Variants in CDH13 observed in about 807,000 individuals in gnomAD.
CDH13 encodes the protein cadherin 13, also known as cadherin-13.
In CDH13, 24 loss-of-function variants were observed where a neutral mutation model predicts 63.8. The ratio of observed to expected loss-of-function variants is 0.38; its 90% confidence interval spans 0.27 to 0.53. The LOEUF (loss-of-function observed/expected upper bound fraction) is 0.53, where lower values mean the gene tolerates loss of function less well. CDH13 is among the 20% of genes least tolerant of loss of function. The probability of loss-of-function intolerance (pLI) is 0.85; values close to 1 mark genes in which losing one functional copy is unlikely to be tolerated. For missense variants in CDH13, 1,049 were observed against 903.1 expected (o/e 1.16, Z -2.07); for synonymous variants, 503 against 355.3 (o/e 1.42, Z -4.67).
In CDH13 at chr16:83,039,644, ATCC is replaced by A. The variant is rs1917165721; in HGVS notation, c.366+7429_366+7431del. Among the ~76,000 whole-genome samples, 3 of 151,994 alleles carry A rather than the reference ATCC, an allele frequency of 2.0e-5. No homozygotes were observed. The South Asian group carries it at 6.2e-4, about 32-fold the overall frequency. On this transcript the variant is annotated intron_variant, in intron 3 of 13. Coordinates refer to ENST00000567109, the MANE Select transcript of CDH13 (RefSeq NM_001257.5). Reference sequence around the variant, plus strand: ...TTCCTTCCTGTGTGTTCACCACTCTATCCTCAGCACCCTGCCCAGTGCCTGGCG... The same window carrying A: ...TTCCTTCCTGTGTGTTCACCACTCTATCAGCACCCTGCCCAGTGCCTGGCG...
Position 83,051,732 on chromosome 16 carries a change from C to G in CDH13, c.366+19514C>G, listed in dbSNP as rs557048263. ...ACAGCAGCCAGATCTGAACCTCCTGCTACCATCCCTGTAACTCTAGTTATG... is the reference window on the plus strand; with the variant it reads ...ACAGCAGCCAGATCTGAACCTCCTGGTACCATCCCTGTAACTCTAGTTATG... On this transcript the variant is annotated intron_variant, in intron 3 of 13. Transcript: ENST00000567109. Among the ~76,000 whole-genome samples the G allele has an allele frequency of 2.0e-5, 3 of 152,308 alleles. No individual in the cohort carries two copies. The South Asian group carries it at 6.2e-4, about 32-fold the overall frequency.
chr16:83,302,796 T>C (rs987325593), intron 5 of CDH13, among the ~76,000 whole-genome samples: 1 of 152,162 alleles, frequency 6.6e-6, no homozygotes, highest in African/African-American at 2.4e-5. Context: ...AGTGGGAATG[T>C]CAGAGCAGGT....
In CDH13 at chr16:83,283,362, G is replaced by C. The variant is rs569755007; in HGVS notation, c.637-61500G>C. ...TCCTAGCAATTTGGGTGGCCGAGGAGGGTGGATTGCTTGAGGCTGGGAATT... is the reference window on the plus strand; with the variant it reads ...TCCTAGCAATTTGGGTGGCCGAGGACGGTGGATTGCTTGAGGCTGGGAATT... On this transcript the variant is annotated intron_variant, in intron 5 of 13. Transcript: ENST00000567109. Among the ~76,000 whole-genome samples the C allele has an allele frequency of 1.8e-3, 270 of 152,294 alleles. 1 individual carries two copies. Among genetic ancestry groups the C allele is most frequent in the African/African-American group, 6.3e-3 (261 of 41,558 alleles).
chr16:83,197,897 AT>A (rs2038921035), intron 4 of CDH13, among the ~76,000 whole-genome samples: 1 of 152,154 alleles, frequency 6.6e-6, no homozygotes, highest in Non-Finnish European at 1.5e-5. Flanking sequence ...ATAAATGTCA[AT>A]ATTTTAATTG....
chr16:83,277,933 T>C (rs955543113), intron 5 of CDH13, among the ~76,000 whole-genome samples: 5 of 152,192 alleles, frequency 3.3e-5, no homozygotes, highest in African/African-American at 9.7e-5. Context: ...ATTTAAAAAG[T>C]AGATTTCCTA....
At chr16:83,229,986 G>A (rs1250123923) in intron 5 of CDH13, among the ~76,000 whole-genome samples, 4 of 152,138 alleles carry the variant, frequency 2.6e-5, no homozygotes, top group Non-Finnish European at 5.9e-5. Context: ...TAAGATGCTG[G>A]GAGGAGAGCC....
At chr16:82,754,951 T>C (rs934868948) in intron 1 of CDH13, among the ~76,000 whole-genome samples, 1 of 152,244 alleles carries the variant, frequency 6.6e-6, no homozygotes. Flanking sequence ...ATCATGTTTG[T>C]TAAGGAGAAA....
intron 5 of CDH13, among the ~76,000 whole-genome samples, chr16:83,326,268 C>A (rs2090358778): frequency 6.6e-6 from 1 of 152,100 alleles, no homozygotes; most frequent in Non-Finnish European, 1.5e-5. Flanking sequence ...AATGCCTCTG[C>A]CAACATGTAC....
intron 4 of CDH13, among the ~76,000 whole-genome samples, chr16:83,134,809 T>A (rs759349636): frequency 6.6e-6 from 1 of 152,230 alleles, no homozygotes; most frequent in Non-Finnish European, 1.5e-5. Flanking sequence ...CGGGTGGTTT[T>A]GGCTTTTTGC....
intron 3 of CDH13, among the ~76,000 whole-genome samples, chr16:83,106,383 C>CA (rs58367860): frequency 0.011 from 1,642 of 151,802 alleles, 23 homozygotes; most frequent in South Asian, 0.046. Context: ...ACTAAAGATA[C>CA]AAAAAAAATT....
intron 2 of CDH13, among the ~76,000 whole-genome samples, chr16:82,929,308 T>A (rs555143086): frequency 6.6e-6 from 1 of 152,086 alleles, no homozygotes; most frequent in East Asian, 1.9e-4. Context: ...ATTAGTGTCT[T>A]TATAAAAGAG....
chr16:83,591,113 G>T (rs988885595), intron 7 of CDH13, among the ~76,000 whole-genome samples: 1 of 151,716 alleles, frequency 6.6e-6, no homozygotes, highest in African/African-American at 2.4e-5. Flanking sequence ...GGTTCACCAG[G>T]TTGGCCATGC....
chr16:83,625,819 C>A (rs1434753792), intron 8 of CDH13, among the ~76,000 whole-genome samples: 3 of 152,120 alleles, frequency 2.0e-5, no homozygotes, highest in African/African-American at 7.2e-5. Flanking sequence ...GTCTGTGAAT[C>A]CACAAAAGCA....
intron 2 of CDH13, among the ~76,000 whole-genome samples, chr16:83,015,802 T>G (rs369973146): frequency 6.1e-5 from 9 of 147,318 alleles, no homozygotes; most frequent in African/African-American, 2.0e-4. Context: ...TCCAAACACA[T>G]GGGGCTGTCT....
At chr16:82,806,022 A>G (rs1182236660) in intron 1 of CDH13, among the ~76,000 whole-genome samples, 3 of 152,168 alleles carry the variant, frequency 2.0e-5, no homozygotes, top group Admixed American at 1.3e-4. Flanking sequence ...TACAAGGCAC[A>G]TGGCAGGTGG....
chr16:83,355,180 T>A (rs2091028924), intron 6 of CDH13, among the ~76,000 whole-genome samples: 1 of 152,214 alleles, frequency 6.6e-6, no homozygotes, highest in South Asian at 2.1e-4. Flanking sequence ...GTTCTAGGCA[T>A]GAGAAAACCA....
intron 6 of CDH13, among the ~76,000 whole-genome samples, chr16:83,483,270 G>C (rs374397460): frequency 1.4e-4 from 22 of 152,042 alleles, no homozygotes; most frequent in African/African-American, 5.3e-4. Flanking sequence ...TTCGTGTCTG[G>C]GTGAAGACAA....
chr16:83,429,668 C>T (rs1260366797), intron 6 of CDH13, among the ~76,000 whole-genome samples: 1 of 152,192 alleles, frequency 6.6e-6, no homozygotes. Flanking sequence ...GCTAATCTTT[C>T]CTTAGAACTT....
Position 83,057,405 on chromosome 16 carries a change from T to G in CDH13, c.366+25187T>G, listed in dbSNP as rs75841094. Among the ~76,000 whole-genome samples, 1,285 of 152,288 alleles carry G rather than the reference T, an allele frequency of 8.4e-3. 14 individuals carry two copies. Among genetic ancestry groups the G allele is most frequent in the Middle Eastern group, 0.031 (9 of 294 alleles). On this transcript the variant is annotated intron_variant, in intron 3 of 13. Coordinates refer to ENST00000567109, the MANE Select transcript of CDH13 (RefSeq NM_001257.5). ...TGTCTTCATCTTTATGGTGGTGACA[T>G]AGGTGTGTTCACTCAAAAAAAATTC...
Sources: allele counts gnomAD v4.1 joint callset (sites outside exome capture counted in the v4.1 genomes callset), GRCh38; gene constraint gnomAD v4.1.1; transcripts MANE v1.5; gene names NCBI Gene and HGNC (gene_info 2026-07-23, HGNC 2026-07-21).